Variants in ASMT observed in about 807,000 individuals in gnomAD.
ASMT encodes acetylserotonin O-methyltransferase.
ASMT carries 53 observed loss-of-function variants against 41.3 expected under a neutral mutation model. The observed-to-expected ratio is 1.28, with a 90% confidence interval of 1.03 to 1.61. ASMT has a LOEUF of 1.61. ASMT is among the 40% of genes most tolerant of loss of function. ASMT has a pLI of 0.00. For synonymous variants in ASMT, 231 were observed against 184.8 expected (o/e 1.25, Z -2.03); for missense variants, 531 against 441.3 (o/e 1.20, Z -1.82).
chrX:1,620,744 C>G (rs149615176), intron 1 of ASMT, among the ~76,000 whole-genome samples: 1 of 151,998 alleles, frequency 6.6e-6, no homozygotes, highest in Non-Finnish European at 1.5e-5. Context: ...AAAAAATTAG[C>G]CTGGCATGGT....
chrX:1,631,239 C>T (rs1445134576), intron 5 of ASMT, among the ~76,000 whole-genome samples: 3 of 150,726 alleles, frequency 2.0e-5, no homozygotes, highest in South Asian at 2.1e-4. Flanking sequence ...TTGTAGAGAA[C>T]GAGTCTCCCT....
chrX:1,642,511 G>A (rs1260721410), intron 8 of ASMT, among the ~76,000 whole-genome samples: 1 of 147,312 alleles, frequency 6.8e-6, no homozygotes, highest in Non-Finnish European at 1.5e-5. Flanking sequence ...CAGCCTCTGT[G>A]TGTGTGTGAT....
At chrX:1,628,765 C>T (rs1195490782) in intron 4 of ASMT, among the ~76,000 whole-genome samples, 1 of 151,164 alleles carries the variant, frequency 6.6e-6, no homozygotes, top group Non-Finnish European at 1.5e-5. Context: ...CTTCTTCCCT[C>T]TCTCCTTTCC....
chrX:1,632,400 C>T (rs1934809025), intron 5 of ASMT, among the ~76,000 whole-genome samples: 1 of 152,122 alleles, frequency 6.6e-6, no homozygotes, highest in South Asian at 2.1e-4. Context: ...GCCTGTCATC[C>T]CAGCACTTTG....
intron 7 of ASMT, among the ~76,000 whole-genome samples, chrX:1,635,583 C>T (rs140264276): frequency 0.013 from 1,923 of 152,012 alleles, 43 homozygotes; most frequent in African/African-American, 0.043. Context: ...GAACATGGGC[C>T]GGGCACAGCA....
chrX:1,632,226 T>G (rs1156504168), intron 5 of ASMT, among the ~76,000 whole-genome samples: 1 of 152,072 alleles, frequency 6.6e-6, no homozygotes, highest in Non-Finnish European at 1.5e-5. Context: ...TGCGCCGGCT[T>G]CAAGAACACA....
chrX:1,618,091 G>A (rs1428919757), intron 1 of ASMT, among the ~76,000 whole-genome samples: 5 of 152,192 alleles, frequency 3.3e-5, no homozygotes, highest in Non-Finnish European at 7.3e-5. Context: ...CGATTCTCCT[G>A]CCTCAGCCTC....
intron 1 of ASMT, 90 bp downstream of exon 1, chrX:1,615,358 T>A: frequency 3.3e-6 from 4 of 1,208,288 alleles, no homozygotes; most frequent in Non-Finnish European, 4.8e-6. Flanking sequence ...AAATGATGAG[T>A]CTCCATCATT....
rs192112538 is a variant in ASMT at position 1,631,159 on chromosome X, C to T, written c.562+1220C>T. ...TCGATCTCCTGACCTCGTGATCCAC[C>T]CGCCTCCGCCTCCCAAAGTGCCAGG... On this transcript the variant is annotated intron_variant, in intron 5 of 8. Coordinates refer to ENST00000381241, the MANE Select transcript of ASMT (RefSeq NM_001171038.2). 8.0e-4 allele frequency among the ~76,000 whole-genome samples: 121 copies of T among 151,874 alleles called. 1 individual carries two copies. Among genetic ancestry groups the T allele is most frequent in the Admixed American group, 6.3e-3 (96 of 15,156 alleles).
chrX:1,642,658 G>A (rs1935235072), intron 8 of ASMT, 145 bp from the exon 9 acceptor site: 3 of 741,248 alleles, frequency 4.0e-6, no homozygotes, highest in Admixed American at 2.1e-5. Flanking sequence ...GATCGATGAG[G>A]ACGTGGGCAC....
At chrX:1,624,246 C>G (rs779838860) in intron 2 of ASMT, 23 bp from the exon 3 acceptor site, 1 of 1,613,710 alleles carries the variant, frequency 6.2e-7, no homozygotes, top group African/African-American at 1.3e-5. Flanking sequence ...TGCTTTTTCC[C>G]TGTTTTTTTG....
intron 4 of ASMT, among the ~76,000 whole-genome samples, chrX:1,628,486 G>A (rs1197128518): frequency 3.3e-5 from 5 of 152,008 alleles, no homozygotes; most frequent in African/African-American, 1.2e-4. Flanking sequence ...GTGAATTGAT[G>A]GGCCCGTCCA....
Position 1,627,594 on chromosome X carries a change from C to G in ASMT, c.375-109C>G, listed in dbSNP as rs1329182221. ...CGAGATCGTGCCATTGCACTCCAGC[C>G]TGGGCTACAGAGCTGAAATGAAATG... On this transcript the variant is annotated intron_variant, in intron 3 of 8. Transcript: ENST00000381241. 13 of 1,188,906 alleles carry G rather than the reference C, an allele frequency of 1.1e-5. No individual in the cohort carries two copies. In the Admixed American group the frequency reaches 1.5e-4, roughly 14 times the overall value. 73.6% of individuals were successfully genotyped at this position (1,188,906 alleles called of 1,614,324 possible).
chrX:1,624,658 C>A (rs377267996), intron 3 of ASMT, among the ~76,000 whole-genome samples: 10 of 90,430 alleles, frequency 1.1e-4, no homozygotes, highest in South Asian at 4.0e-4. Flanking sequence ...TGGGGGCTGC[C>A]CCCAGGCAGA....
chrX:1,641,786 G>C (rs756064581), intron 8 of ASMT, among the ~76,000 whole-genome samples: 8 of 148,650 alleles, frequency 5.4e-5, no homozygotes, highest in Admixed American at 1.4e-4. Context: ...GATAAGGACA[G>C]TGTTCCAGCT....
chrX:1,628,446 G>A (rs147389909), intron 4 of ASMT, among the ~76,000 whole-genome samples: 43 of 152,272 alleles, frequency 2.8e-4, no homozygotes, highest in African/African-American at 9.4e-4. Context: ...GCCTTTGCCC[G>A]AAGCTCTTAC....
At position 1,642,902 on chromosome X, in the gene ASMT, G is replaced by C. The variant is rs1334141342; in HGVS notation, c.1010G>C (p.Gly337Ala). ...CTGAACATGCTTGTGCAGACGGAAG[G>C]GCAGGAGAGGACCCCCACCCACTAC... ...YSLNMLVQTEGQERTPTHYHM... is the reference protein window; with the variant it reads ...YSLNMLVQTEAQERTPTHYHM... Residue 337 changes from glycine to alanine, a missense_variant, in exon 9 of 9, where the codon GGG becomes GCG. Coordinates refer to ENST00000381241, the MANE Select transcript of ASMT (RefSeq NM_001171038.2). The C allele has an allele frequency of 6.2e-7, 1 of 1,613,954 alleles. No homozygotes were observed. The highest frequency in any genetic ancestry group is 2.2e-5 in the East Asian group (1 of 44,888).
chrX:1,631,077 AT>A (rs1329725829), intron 5 of ASMT, among the ~76,000 whole-genome samples: 3 of 89,192 alleles, frequency 3.4e-5, no homozygotes, highest in African/African-American at 9.3e-5. Flanking sequence ...CGCCCAGCTA[AT>A]TTTTTGTTTT....
At chrX:1,636,788 G>A (rs1345841160) in intron 8 of ASMT, among the ~76,000 whole-genome samples, 4 of 152,268 alleles carry the variant, frequency 2.6e-5, no homozygotes, top group African/African-American at 9.6e-5. Context: ...TGAAACTTCA[G>A]TGGCCTCACT....
Sources: gnomAD v4.1 joint callset for allele counts (sites outside exome capture counted in the v4.1 genomes callset) on GRCh38, gnomAD v4.1.1 for gene constraint, MANE v1.5 for transcripts, NCBI Gene and HGNC (gene_info 2026-07-23, HGNC 2026-07-21) for gene names.